FBXL13: variants seen among roughly 807,000 people sequenced by gnomAD.
FBXL13 encodes the protein F-box and leucine-rich repeat protein 13.
FBXL13 carries 67 observed loss-of-function variants against 83.6 expected under a neutral mutation model. That is an observed-to-expected ratio of 0.80 (90% CI 0.66 to 0.98). The LOEUF is 0.98. Ranked by LOEUF, FBXL13 falls within the 50% of genes least tolerant of loss-of-function variation. The pLI is 0.00. For synonymous variants in FBXL13, 272 were observed against 299.5 expected (o/e 0.91, Z 0.95); for missense variants, 822 against 866.5 (o/e 0.95, Z 0.64).
chr7:102,936,590 T>C (rs1407840012), intron 8 of FBXL13, among the ~76,000 whole-genome samples: 2 of 152,228 alleles, frequency 1.3e-5, no homozygotes, highest in Non-Finnish European at 2.9e-5. Context: ...TTGTGGTGCT[T>C]AGATTGAAAA....
chr7:102,962,210 A>C (rs896502620), intron 8 of FBXL13, among the ~76,000 whole-genome samples: 50 of 152,024 alleles, frequency 3.3e-4, no homozygotes, highest in African/African-American at 7.7e-4. Flanking sequence ...GAAGACATTT[A>C]TGCAGCCAAA....
downstream of FBXL13, among the ~76,000 whole-genome samples, chr7:102,812,249 A>G (rs1219368914): frequency 2.0e-5 from 3 of 152,260 alleles, no homozygotes; most frequent in African/African-American, 7.2e-5. Context: ...CAGCACATAT[A>G]CTAAAACCTA....
chr7:102,894,180 G>A (rs1004915524), intron 11 of FBXL13, among the ~76,000 whole-genome samples: 1 of 152,092 alleles, frequency 6.6e-6, no homozygotes, highest in African/African-American at 2.4e-5. Flanking sequence ...GACCTTCCAT[G>A]ATCTCTGCTT....
chr7:102,969,854 G>A (rs1167497613), intron 6 of FBXL13, among the ~76,000 whole-genome samples: 42 of 135,256 alleles, frequency 3.1e-4, no homozygotes, highest in African/African-American at 1.1e-3. Context: ...GGGAGGGGAG[G>A]GAAAAGAAAA....
intron 6 of FBXL13, among the ~76,000 whole-genome samples, chr7:102,990,941 A>G (rs1045028864): frequency 3.3e-5 from 5 of 152,240 alleles, no homozygotes; most frequent in African/African-American, 1.2e-4. Context: ...GTTAAAGCCA[A>G]CAGAGTTCAG....
intron 6 of FBXL13, among the ~76,000 whole-genome samples, chr7:102,975,005 C>T (rs762360327): frequency 2.0e-5 from 3 of 152,122 alleles, no homozygotes; most frequent in Non-Finnish European, 4.4e-5. Context: ...CCACCTTACG[C>T]CCCTATCTAT....
At chr7:102,813,527 C>A (rs1562888938) in exon 20 of FBXL13, 1 of 1,613,668 alleles carries the variant, frequency 6.2e-7, no homozygotes, top group Admixed American at 1.7e-5. Context: ...CTTTGAGCTG[C>A]CTTCCTGTAA....
intron 1 of FBXL13, among the ~76,000 whole-genome samples, chr7:103,063,029 G>A (rs939629191): frequency 6.6e-6 from 1 of 152,178 alleles, no homozygotes; most frequent in African/African-American, 2.4e-5. Context: ...AAAAAATTAA[G>A]TTACTTGTTT....
chr7:102,961,710 A>G (rs1585145797), intron 8 of FBXL13, among the ~76,000 whole-genome samples: 2 of 149,082 alleles, frequency 1.3e-5, no homozygotes, highest in South Asian at 4.3e-4. Context: ...ATCTTTGACA[A>G]ACCTGAGAAA....
chr7:102,980,538 G>C (rs1444044348), intron 6 of FBXL13, among the ~76,000 whole-genome samples: 3 of 152,172 alleles, frequency 2.0e-5, no homozygotes, highest in Non-Finnish European at 2.9e-5. Flanking sequence ...AGCACTTTGC[G>C]AGGCTGAGGC....
intron 11 of FBXL13, among the ~76,000 whole-genome samples, chr7:102,898,416 C>G (rs1261108822): frequency 1.3e-5 from 2 of 152,106 alleles, no homozygotes; most frequent in African/African-American, 4.8e-5. Flanking sequence ...TCATGGCTCA[C>G]CGCAGCCTCA....
chr7:102,898,679 A>G (rs529898344), intron 11 of FBXL13, among the ~76,000 whole-genome samples: 32 of 152,170 alleles, frequency 2.1e-4, no homozygotes, highest in Non-Finnish European at 4.4e-4. Context: ...TGTCAGTGCC[A>G]GCAAAGTGGG....
At chr7:103,003,539 C>T (rs6968171) in intron 6 of FBXL13, among the ~76,000 whole-genome samples, 3,093 of 151,916 alleles carry the variant, frequency 0.02, 95 homozygotes, top group African/African-American at 0.071. Flanking sequence ...CCTGCCTTGG[C>T]CTCCCAAAGT....
At chr7:103,067,641 C>T (rs1241350590) in intron 1 of FBXL13, among the ~76,000 whole-genome samples, 1 of 152,174 alleles carries the variant, frequency 6.6e-6, no homozygotes, top group East Asian at 1.9e-4. Flanking sequence ...AGGAGAGGTC[C>T]TCATCGACAG....
At chr7:102,919,166 A>G (rs1816502121) in intron 10 of FBXL13, among the ~76,000 whole-genome samples, 1 of 152,174 alleles carries the variant, frequency 6.6e-6, no homozygotes, top group African/African-American at 2.4e-5. Context: ...AATTATTTAC[A>G]CCACAGAAAT....
At chr7:103,038,711 G>A (rs1373392204) in intron 2 of FBXL13, among the ~76,000 whole-genome samples, 1 of 152,218 alleles carries the variant, frequency 6.6e-6, no homozygotes, top group Admixed American at 6.5e-5. Flanking sequence ...AACTCCAACA[G>A]ACTGGCAGCT....
intron 16 of FBXL13, chr7:102,874,419 AT>A (rs544685187): frequency 2.1e-6 from 2 of 946,636 alleles, no homozygotes; most frequent in South Asian, 9.8e-5. Context: ...CAGAAGACTT[AT>A]TTTTTTCAAT....
chr7:102,967,953 TG>T, intron 7 of FBXL13, 68 bp downstream of exon 8: 1 of 1,187,980 alleles, frequency 8.4e-7, no homozygotes, highest in South Asian at 1.3e-5. Context: ...CCACAACAGC[TG>T]GCTTCACAGC....
chr7:102,894,156 G>A (rs1444462986), intron 11 of FBXL13, among the ~76,000 whole-genome samples: 1 of 152,094 alleles, frequency 6.6e-6, no homozygotes, highest in Non-Finnish European at 1.5e-5. Context: ...CAAATCCCAG[G>A]GGTGAACAAG....
Sources: gnomAD v4.1 joint callset for allele counts (sites outside exome capture counted in the v4.1 genomes callset) on GRCh38, gnomAD v4.1.1 for gene constraint, MANE v1.5 for transcripts, NCBI Gene and HGNC (gene_info 2026-07-23, HGNC 2026-07-21) for gene names.